DST: variants seen among roughly 807,000 people sequenced by gnomAD.
DST encodes bullous pemphigoid antigen.
Under a neutral mutation model 875.2 loss-of-function variants are expected in DST, and 253 were observed. The observed-to-expected ratio is 0.29, with a 90% CI of 0.26 to 0.32. The LOEUF (loss-of-function observed/expected upper bound fraction) is 0.32. Among genes scored for constraint, DST ranks in the 10% least tolerant of loss-of-function variants. DST has a pLI of 1.00. For missense variants in DST, 8,287 were observed against 9,111.6 expected (o/e 0.91, Z 3.68); for synonymous variants, 3,124 against 3,197.1 (o/e 0.98, Z 0.77).
chr6:56,923,422 A>T (rs572930799), intron 2 of DST, among the ~76,000 whole-genome samples: 74 of 141,816 alleles, frequency 5.2e-4, no homozygotes, highest in African/African-American at 1.9e-3. Context: ...TTTTCCCTGG[A>T]TTAGATGGAG....
chr6:56,679,599 TAAAAAAAAA>T (rs1165137050), intron 9 of DST, among the ~76,000 whole-genome samples: 1 of 111,864 alleles, frequency 8.9e-6, no homozygotes. Flanking sequence ...TATGTCTCAT[TAAAAAAAAA>T]AAAAAAAAAA....
chr6:56,585,851 T>C (rs1488841351), intron 49 of DST, among the ~76,000 whole-genome samples: 1 of 152,344 alleles, frequency 6.6e-6, no homozygotes, highest in African/African-American at 2.4e-5. Flanking sequence ...TTTCGTTAGG[T>C]ACCCAGTAGT....
chr6:56,485,083 T>A (rs958703123), intron 88 of DST: 1 of 454,646 alleles, frequency 2.2e-6, no homozygotes, highest in Non-Finnish European at 3.8e-6. Context: ...GTTTTAGATC[T>A]GGTAATTAAA....
intron 4 of DST, among the ~76,000 whole-genome samples, chr6:56,756,142 G>C (rs2099602364): frequency 1.3e-5 from 2 of 152,164 alleles, no homozygotes; most frequent in South Asian, 4.1e-4. Flanking sequence ...GAGTGATGTG[G>C]AAGGCACAGG....
intron 3 of DST, among the ~76,000 whole-genome samples, chr6:56,868,561 C>T (rs1775407876): frequency 6.6e-6 from 1 of 151,838 alleles, no homozygotes; most frequent in Admixed American, 6.6e-5. Context: ...TCACCGTCCT[C>T]TCAAAAAAAA....
At chr6:56,687,769 G>A (rs978244570) in intron 9 of DST, among the ~76,000 whole-genome samples, 3 of 148,992 alleles carry the variant, frequency 2.0e-5, no homozygotes, top group Non-Finnish European at 3.0e-5. Context: ...CACATTTTTA[G>A]CTCTGCTTCC....
intron 82 of DST, 56 bp from the exon 83 acceptor site, chr6:56,494,236 C>T: frequency 6.0e-6 from 9 of 1,496,318 alleles, no homozygotes; most frequent in Non-Finnish European, 7.2e-6. Flanking sequence ...TTTAAGAGTT[C>T]TATTTTTCTA....
At chr6:56,693,644 C>T (rs933604185) in intron 9 of DST, among the ~76,000 whole-genome samples, 3 of 152,082 alleles carry the variant, frequency 2.0e-5, no homozygotes, top group Non-Finnish European at 4.4e-5. Context: ...ATTCAAAGTG[C>T]CTTTCAAATT....
chr6:56,809,189 A>C (rs1358713654), intron 4 of DST, among the ~76,000 whole-genome samples: 1 of 152,142 alleles, frequency 6.6e-6, no homozygotes, highest in Non-Finnish European at 1.5e-5. Flanking sequence ...TAAGCCTCCA[A>C]GATACTACCG....
intron 2 of DST, among the ~76,000 whole-genome samples, chr6:56,941,966 T>C (rs1447291481): frequency 6.6e-6 from 1 of 152,252 alleles, no homozygotes; most frequent in Non-Finnish European, 1.5e-5. Flanking sequence ...CCTTTACTTT[T>C]GAAATGTTTA....
chr6:56,778,392 T>A (rs2099684046), intron 4 of DST, among the ~76,000 whole-genome samples: 1 of 151,866 alleles, frequency 6.6e-6, no homozygotes, highest in Non-Finnish European at 1.5e-5. Flanking sequence ...TTATTTTTTT[T>A]TTAATTATAC....
chr6:56,673,522 A>G (rs1317841048), intron 9 of DST, among the ~76,000 whole-genome samples: 2 of 152,198 alleles, frequency 1.3e-5, no homozygotes, highest in East Asian at 3.9e-4. Context: ...ACAAGATACC[A>G]GCTTAACAGG....
At chr6:56,743,845 T>C (rs149029803) in intron 4 of DST, among the ~76,000 whole-genome samples, 181 of 152,216 alleles carry the variant, frequency 1.2e-3, no homozygotes, top group African/African-American at 4.2e-3. Flanking sequence ...TTTTAAAAAA[T>C]GAGTTAAAAA....
chr6:56,591,703 T>C (rs2098275455), intron 49 of DST, among the ~76,000 whole-genome samples: 1 of 152,128 alleles, frequency 6.6e-6, no homozygotes, highest in Non-Finnish European at 1.5e-5. Context: ...CTGGGCGCGG[T>C]GGTTCACACC....
At chr6:56,804,478 T>C (rs1031160686) in intron 4 of DST, among the ~76,000 whole-genome samples, 2 of 152,206 alleles carry the variant, frequency 1.3e-5, no homozygotes, top group Non-Finnish European at 2.9e-5. Context: ...AAATATTATA[T>C]TGCTTGCTCC....
At chr6:56,521,695 G>A (rs2096710547) in intron 69 of DST, among the ~76,000 whole-genome samples, 1 of 149,522 alleles carries the variant, frequency 6.7e-6, no homozygotes, top group South Asian at 2.1e-4. Context: ...ATATTGTTAA[G>A]CAACAAAGGG....
At chr6:56,629,467 G>C (rs2098759372) in intron 31 of DST, 24 bp from the exon 32 acceptor site, 9 of 1,583,252 alleles carry the variant, frequency 5.7e-6, no homozygotes, top group Admixed American at 1.7e-5. Context: ...ATTGGTAAAA[G>C]TTATAAAAAT....
intron 4 of DST, among the ~76,000 whole-genome samples, chr6:56,822,370 G>C (rs185919534): frequency 6.2e-4 from 94 of 152,260 alleles, no homozygotes; most frequent in Non-Finnish European, 1.1e-3. Context: ...TGGGACGCAG[G>C]GGGAGGCAGC....
intron 36 of DST, chr6:56,616,788 C>G: frequency 6.2e-7 from 1 of 1,614,184 alleles, no homozygotes; most frequent in Non-Finnish European, 8.5e-7. Flanking sequence ...GCTTGAAACA[C>G]TGACAATGTC....
Sources: gnomAD v4.1 joint callset for allele counts (sites outside exome capture counted in the v4.1 genomes callset) on GRCh38, gnomAD v4.1.1 for gene constraint, MANE v1.5 for transcripts, NCBI Gene and HGNC (gene_info 2026-07-23, HGNC 2026-07-21) for gene names.